The following NEK4 variants were observed in gnomAD, a reference collection of about 807,000 sequenced individuals.
NEK4 encodes the protein serine/threonine-protein kinase Nek4.
Under a neutral mutation model 98.4 loss-of-function variants are expected in NEK4, and 86 were observed. The observed-to-expected ratio is 0.87, with a 90% CI of 0.73 to 1.05. The LOEUF is 1.05. Ranked by LOEUF, NEK4 falls within the 50% of genes least tolerant of loss-of-function variation. The pLI, the probability that NEK4 is intolerant of heterozygous loss-of-function variation, is 0.00. For missense variants in NEK4, 898 were observed against 950.3 expected (o/e 0.94, Z 0.72); for synonymous variants, 328 against 342.2 (o/e 0.96, Z 0.46).
chr3:52,746,027 G>T (rs1175670347), intron 10 of NEK4, 34 bp downstream of exon 10: 2 of 1,603,846 alleles, frequency 1.2e-6, no homozygotes, highest in Non-Finnish European at 1.7e-6. Flanking sequence ...CTGGTTATAA[G>T]GTTTTTAAAA....
At chr3:52,750,870 G>A (rs1399093914) in intron 7 of NEK4, among the ~76,000 whole-genome samples, 4 of 152,172 alleles carry the variant, frequency 2.6e-5, no homozygotes, top group Non-Finnish European at 5.9e-5. Context: ...AGTCAAGGCT[G>A]CAGTGAGCTG....
At chr3:52,756,000 A>T (rs1459394529) in intron 6 of NEK4, among the ~76,000 whole-genome samples, 2 of 152,226 alleles carry the variant, frequency 1.3e-5, no homozygotes, top group African/African-American at 4.8e-5. Flanking sequence ...AAGGACTTAC[A>T]TAGTGAAATC....
chr3:52,750,858 G>T (rs1198045399), intron 7 of NEK4, among the ~76,000 whole-genome samples: 1 of 152,124 alleles, frequency 6.6e-6, no homozygotes, highest in Non-Finnish European at 1.5e-5. Context: ...TTAAGCCCAG[G>T]AAGTCAAGGC....
chr3:52,733,757 G>A, intron 15 of NEK4: 1 of 441,644 alleles, frequency 2.3e-6, no homozygotes, highest in Non-Finnish European at 4.5e-6. Flanking sequence ...TCATACTGGA[G>A]AGAGACCTTA....
chr3:52,721,985 A>G, intron 15 of NEK4, among the ~76,000 whole-genome samples: 1 of 152,138 alleles, frequency 6.6e-6, no homozygotes, highest in East Asian at 1.9e-4. Flanking sequence ...CCTGGATGAA[A>G]CCTGTGATCC....
intron 8 of NEK4, among the ~76,000 whole-genome samples, chr3:52,749,227 G>A (rs2097401119): frequency 6.6e-6 from 1 of 151,978 alleles, no homozygotes; most frequent in African/African-American, 2.4e-5. Flanking sequence ...CTGCCTCCCA[G>A]GTTCAAGCGA....
chr3:52,727,365 A>C (rs1023015842), intron 15 of NEK4, among the ~76,000 whole-genome samples: 4 of 152,234 alleles, frequency 2.6e-5, no homozygotes, highest in African/African-American at 9.6e-5. Context: ...TATAGACCAC[A>C]AATTGTCTCA....
chr3:52,731,713 G>C (rs2097369852), intron 15 of NEK4, among the ~76,000 whole-genome samples: 1 of 152,206 alleles, frequency 6.6e-6, no homozygotes, highest in Admixed American at 6.5e-5. Flanking sequence ...ACACACAGGA[G>C]TCTTGCCATG....
intron 15 of NEK4, among the ~76,000 whole-genome samples, chr3:52,725,832 C>CAG: frequency 6.6e-6 from 1 of 151,726 alleles, no homozygotes. Flanking sequence ...ATAATGCATA[C>CAG]AGAACATAAA....
intron 15 of NEK4, among the ~76,000 whole-genome samples, chr3:52,726,860 C>T (rs1219638169): frequency 2.0e-5 from 3 of 151,948 alleles, no homozygotes; most frequent in East Asian, 1.9e-4. Context: ...GCTGAGATGG[C>T]GCCATTGCAC....
chr3:52,754,753 T>C, intron 6 of NEK4: 1 of 410,916 alleles, frequency 2.4e-6, no homozygotes, highest in Non-Finnish European at 4.9e-6. Context: ...TAGTTCAAGC[T>C]GACCAATGGC....
chr3:52,734,505 C>A (rs1578642705), intron 15 of NEK4, among the ~76,000 whole-genome samples: 1 of 149,060 alleles, frequency 6.7e-6, no homozygotes, highest in Non-Finnish European at 1.5e-5. Context: ...AAACCCTGTC[C>A]CTACTAAAAA....
intron 15 of NEK4, among the ~76,000 whole-genome samples, chr3:52,731,416 T>C (rs2097369517): frequency 6.6e-6 from 1 of 152,192 alleles, no homozygotes; most frequent in Admixed American, 6.5e-5. Flanking sequence ...ATTTCAAACC[T>C]TACTCCAAAG....
At chr3:52,741,801 G>A (rs2097386719) in intron 12 of NEK4, among the ~76,000 whole-genome samples, 1 of 151,618 alleles carries the variant, frequency 6.6e-6, no homozygotes. Context: ...GTTTTTTTGA[G>A]ACAGAGTCTT....
chr3:52,753,826 T>C, intron 6 of NEK4: 1 of 434,962 alleles, frequency 2.3e-6, no homozygotes, highest in Non-Finnish European at 4.5e-6. Context: ...CTTATCCCTC[T>C]GTATTAAAGT....
At chr3:52,718,830 C>T (rs2097357567) in intron 15 of NEK4, among the ~76,000 whole-genome samples, 2 of 152,146 alleles carry the variant, frequency 1.3e-5, no homozygotes, top group Non-Finnish European at 1.5e-5. Flanking sequence ...CTCGGCTCAC[C>T]GACCGTGACT....
chr3:52,737,742 A>C, intron 14 of NEK4, 23 bp from the exon 15 acceptor site: 2 of 1,582,176 alleles, frequency 1.3e-6, no homozygotes, highest in Non-Finnish European at 1.7e-6. Context: ...AACAAAGACA[A>C]AGGGAAAAAT....
intron 12 of NEK4, among the ~76,000 whole-genome samples, chr3:52,741,923 G>C (rs2097386962): frequency 6.6e-6 from 1 of 152,106 alleles, no homozygotes; most frequent in African/African-American, 2.4e-5. Context: ...GGGATTACAG[G>C]CACGTGCCGC....
At chr3:52,713,373 C>G (rs2097352168) in intron 15 of NEK4, among the ~76,000 whole-genome samples, 1 of 152,168 alleles carries the variant, frequency 6.6e-6, no homozygotes, top group Admixed American at 6.5e-5. Context: ...AGCAGCCTGC[C>G]CTGAATCCTC....
Sources: gnomAD v4.1 joint callset for allele counts (sites outside exome capture counted in the v4.1 genomes callset) on GRCh38, gnomAD v4.1.1 for gene constraint, MANE v1.5 for transcripts, NCBI Gene and HGNC (gene_info 2026-07-23, HGNC 2026-07-21) for gene names.